DNAJC12: variants seen among roughly 807,000 people sequenced by gnomAD.
DNAJC12 encodes the protein DnaJ heat shock protein family (Hsp40) member C12.
A neutral mutation model predicts 28.5 loss-of-function variants in DNAJC12; 25 were observed. The ratio of observed to expected loss-of-function variants is 0.88; its 90% CI spans 0.64 to 1.22. The LOEUF is 1.22. DNAJC12 is among the 50% of genes most tolerant of loss of function. The pLI is 0.00. For synonymous variants in DNAJC12, 77 were observed against 80.6 expected, an observed-to-expected ratio of 0.95 and a Z score of 0.24; for missense variants, 222 against 231.7, an observed-to-expected ratio of 0.96 and a Z score of 0.27.
At chr10:67,810,072 A>G (rs1564859859) in intron 3 of DNAJC12, among the ~76,000 whole-genome samples, 1 of 152,192 alleles carries the variant, frequency 6.6e-6, no homozygotes, top group Non-Finnish European at 1.5e-5. Flanking sequence ...CAGGCTTAAC[A>G]GAAAGCATGA....
intron 4 of DNAJC12, among the ~76,000 whole-genome samples, chr10:67,797,570 C>T (rs188998953): frequency 2.6e-5 from 4 of 152,180 alleles, no homozygotes; most frequent in Non-Finnish European, 4.4e-5. Context: ...AAAAGGATCG[C>T]TTGAAATACA....
intron 1 of DNAJC12, among the ~76,000 whole-genome samples, chr10:67,829,214 A>G (rs963567188): frequency 6.6e-6 from 1 of 152,146 alleles, no homozygotes; most frequent in Non-Finnish European, 1.5e-5. Flanking sequence ...CCAGAAAAGC[A>G]CAACAAAGAG....
chr10:67,817,283 A>C (rs996735516), intron 2 of DNAJC12, among the ~76,000 whole-genome samples: 1 of 152,274 alleles, frequency 6.6e-6, no homozygotes, highest in East Asian at 1.9e-4. Flanking sequence ...ACCTACGAGA[A>C]TGCTGAGGCT....
At chr10:67,797,841 C>G (rs1298183520) in intron 4 of DNAJC12, among the ~76,000 whole-genome samples, 4 of 151,888 alleles carry the variant, frequency 2.6e-5, no homozygotes, top group South Asian at 2.1e-4. Context: ...GAGATCAAGA[C>G]CATCCTGGCT....
intron 2 of DNAJC12, among the ~76,000 whole-genome samples, chr10:67,816,543 C>CTT (rs367769639): frequency 2.9e-3 from 252 of 88,230 alleles, no homozygotes; most frequent in African/African-American, 8.3e-3. Flanking sequence ...AGTTTACTTT[C>CTT]TTTTTTTTTT....
At chr10:67,831,950 T>C (rs1486295229) in intron 1 of DNAJC12, among the ~76,000 whole-genome samples, 1 of 152,210 alleles carries the variant, frequency 6.6e-6, no homozygotes, top group Admixed American at 6.5e-5. Context: ...GAAATTCATA[T>C]GATGCAAAAT....
At chr10:67,801,844 T>C (rs1375888435) in intron 4 of DNAJC12, among the ~76,000 whole-genome samples, 2 of 100,034 alleles carry the variant, frequency 2.0e-5, no homozygotes, top group East Asian at 2.9e-4. Flanking sequence ...TTCTTTTTTT[T>C]TTTTTTTTTT....
At chr10:67,817,117 G>A (rs753570530) in intron 2 of DNAJC12, among the ~76,000 whole-genome samples, 3 of 151,872 alleles carry the variant, frequency 2.0e-5, no homozygotes, top group Non-Finnish European at 4.4e-5. Context: ...ATCCCATCAC[G>A]TTAAATGTTT....
intron 1 of DNAJC12, among the ~76,000 whole-genome samples, chr10:67,835,278 C>T (rs1278672507): frequency 6.6e-6 from 1 of 152,066 alleles, no homozygotes; most frequent in Non-Finnish European, 1.5e-5. Context: ...AATTTTAGAG[C>T]ATCAAATGAA....
chr10:67,819,369 T>C (rs1841948743), intron 2 of DNAJC12, among the ~76,000 whole-genome samples: 1 of 151,636 alleles, frequency 6.6e-6, no homozygotes, highest in African/African-American at 2.4e-5. Flanking sequence ...CTAGGCTCGG[T>C]GGCACATGCC....
intron 2 of DNAJC12, 121 bp from the exon 3 acceptor site, chr10:67,811,784 C>G: frequency 2.0e-6 from 3 of 1,465,214 alleles, no homozygotes; most frequent in Non-Finnish European, 2.7e-6. Flanking sequence ...GACCTTGGGC[C>G]AATTTACCTC....
At chr10:67,826,206 T>C (rs1228855641) in intron 1 of DNAJC12, among the ~76,000 whole-genome samples, 1 of 151,020 alleles carries the variant, frequency 6.6e-6, no homozygotes, top group African/African-American at 2.4e-5. Context: ...GCCATCTCGG[T>C]TCACTGCAAC....
intron 4 of DNAJC12, among the ~76,000 whole-genome samples, chr10:67,805,359 C>T (rs1203546154): frequency 2.0e-5 from 3 of 152,106 alleles, no homozygotes; most frequent in Non-Finnish European, 4.4e-5. Flanking sequence ...TGTTAGCTAG[C>T]ATTATGTCAG....
At chr10:67,833,668 G>C (rs980694861) in intron 1 of DNAJC12, 2 of 280,642 alleles carry the variant, frequency 7.1e-6, no homozygotes, top group Non-Finnish European at 1.4e-5. Flanking sequence ...ATCGGTGGCT[G>C]CGTCACTCTG....
chr10:67,819,702 G>T (rs1169381337), intron 2 of DNAJC12, among the ~76,000 whole-genome samples: 1 of 19,024 alleles, frequency 5.3e-5, no homozygotes, highest in Non-Finnish European at 1.2e-4. Flanking sequence ...AAGAAAGGAA[G>T]GAAGGAAGGA....
intron 1 of DNAJC12, among the ~76,000 whole-genome samples, chr10:67,836,458 T>C (rs1005171286): frequency 4.6e-5 from 7 of 152,060 alleles, no homozygotes; most frequent in African/African-American, 1.2e-4. Flanking sequence ...TTTTTTTAAA[T>C]CCAAATTGTC....
intron 1 of DNAJC12, among the ~76,000 whole-genome samples, chr10:67,825,015 G>A (rs1206385902): frequency 6.6e-6 from 1 of 152,170 alleles, no homozygotes; most frequent in Non-Finnish European, 1.5e-5. Context: ...AATTATAGGC[G>A]TGAGCCACCG....
At position 67,815,521 on chromosome 10, in the gene DNAJC12, A is replaced by AG. The variant is rs549410344; in HGVS notation, c.158-3859_158-3858insC. On this transcript the variant is annotated intron_variant, in intron 2 of 4. Transcript: ENST00000225171. ...AATACTTCGTCTCAAAAAAAAAAAA[A>AG]AAAAAAGAAAAGAAAAAAAAAGATG... 1.3e-4 allele frequency among the ~76,000 whole-genome samples: 19 copies of AG among 151,212 alleles called. No individual in the cohort carries two copies. In the South Asian group the frequency reaches 2.9e-3, roughly 23 times the overall value.
chr10:67,826,131 C>CT (rs953040512), intron 1 of DNAJC12, among the ~76,000 whole-genome samples: 7 of 72,174 alleles, frequency 9.7e-5, no homozygotes, highest in African/African-American at 2.6e-4. Flanking sequence ...GAAGACATAT[C>CT]TTTTTTTTTC....
Sources: allele counts gnomAD v4.1 joint callset (sites outside exome capture counted in the v4.1 genomes callset), GRCh38; gene constraint gnomAD v4.1.1; transcripts MANE v1.5; gene names NCBI Gene and HGNC (gene_info 2026-07-23, HGNC 2026-07-21).